Variants in ZFAND3 observed in about 807,000 individuals in gnomAD.
ZFAND3 encodes AN1-type zinc finger protein 3.
Under a neutral mutation model 29.6 loss-of-function variants are expected in ZFAND3, and 10 were observed. That is an observed-to-expected ratio of 0.34 (90% CI 0.21 to 0.57). The LOEUF (loss-of-function observed/expected upper bound fraction) is 0.57, where lower values mean the gene tolerates loss of function less well. Among genes scored for constraint, ZFAND3 ranks in the 20% least tolerant of loss-of-function variants. ZFAND3 has a pLI of 0.86. For missense variants in ZFAND3, 230 were observed against 304.5 expected (o/e 0.76, Z 1.82); for synonymous variants, 128 against 112.6 (o/e 1.14, Z -0.87).
At chr6:38,112,197 A>C (rs1476626913) in intron 4 of ZFAND3, among the ~76,000 whole-genome samples, 1 of 152,198 alleles carries the variant, frequency 6.6e-6, no homozygotes, top group Non-Finnish European at 1.5e-5. Flanking sequence ...GGGTCTGGTG[A>C]GTACCAAGAG....
chr6:37,938,405 A>G (rs1761741884), intron 2 of ZFAND3, among the ~76,000 whole-genome samples: 1 of 152,222 alleles, frequency 6.6e-6, no homozygotes, highest in Non-Finnish European at 1.5e-5. Context: ...CACCTTCATT[A>G]TAATGTGCCC....
intron 1 of ZFAND3, among the ~76,000 whole-genome samples, chr6:37,893,921 T>C (rs1032447623): frequency 6.6e-6 from 1 of 152,068 alleles, no homozygotes; most frequent in Non-Finnish European, 1.5e-5. Flanking sequence ...TCTCCATATG[T>C]TATAAAACCC....
In ZFAND3 at chr6:38,023,488, A is replaced by G. The variant is rs1348093628; in HGVS notation, c.113-38105A>G. The stretch of plus-strand genomic sequence containing the variant: ...GATTTAGCCATTCCACAATGTGTAT[A>G]TATTTTGAAACAACATGTTGTGTAT... On this transcript the variant is annotated intron_variant, in intron 2 of 5. Coordinates refer to ENST00000287218, the MANE Select transcript of ZFAND3 (RefSeq NM_021943.3). Among the ~76,000 whole-genome samples, 7 of 152,304 alleles carry G rather than the reference A, an allele frequency of 4.6e-5. No homozygotes were observed. In the East Asian group the frequency reaches 1.4e-3, roughly 29 times the overall value.
At chr6:37,999,672 C>CA (rs1386215489) in intron 2 of ZFAND3, among the ~76,000 whole-genome samples, 1 of 152,076 alleles carries the variant, frequency 6.6e-6, no homozygotes, top group Non-Finnish European at 1.5e-5. Flanking sequence ...GTACTCTTGA[C>CA]AAATGTCAAG....
chr6:38,127,349 G>T (rs1246201225), intron 5 of ZFAND3, among the ~76,000 whole-genome samples: 1 of 152,224 alleles, frequency 6.6e-6, no homozygotes, highest in East Asian at 1.9e-4. Context: ...CCTGTAACTG[G>T]TCAACAAAGC....
At chr6:38,150,394 C>G (rs1478855272) in intron 5 of ZFAND3, among the ~76,000 whole-genome samples, 2 of 152,164 alleles carry the variant, frequency 1.3e-5, no homozygotes, top group Non-Finnish European at 2.9e-5. Flanking sequence ...CTGGGTCACT[C>G]CAGCCCCCTA....
chr6:37,909,638 T>G (rs1315783902), intron 1 of ZFAND3, among the ~76,000 whole-genome samples: 1 of 146,468 alleles, frequency 6.8e-6, no homozygotes, highest in Non-Finnish European at 1.5e-5. Flanking sequence ...TTTTTTTTTT[T>G]TGATGTTTTG....
In ZFAND3 at chr6:37,946,988, T is replaced by C. The variant is rs150480699; in HGVS notation, c.112+16989T>C. On this transcript the variant is annotated intron_variant, in intron 2 of 5. Transcript: ENST00000287218. Reference sequence around the variant, plus strand: ...TGGAGATGGATGTTAGTGGCAGTAGTTGCACAACAACGTGAATGTACTTAA... The same window carrying C: ...TGGAGATGGATGTTAGTGGCAGTAGCTGCACAACAACGTGAATGTACTTAA... Among the ~76,000 whole-genome samples, 756 of 152,262 alleles carry C rather than the reference T, an allele frequency of 5.0e-3. 9 individuals are homozygous for C. Among genetic ancestry groups the C allele is most frequent in the African/African-American group, 0.017 (698 of 41,546 alleles).
intron 1 of ZFAND3, among the ~76,000 whole-genome samples, chr6:37,834,924 A>T (rs1763939797): frequency 6.6e-6 from 1 of 151,178 alleles, no homozygotes. Flanking sequence ...CCACCAGTAT[A>T]TGAGAGTTCC....
Position 38,154,567 on chromosome 6 carries a change from T to C in ZFAND3, c.*2178T>C. On this transcript the variant is annotated 3_prime_UTR_variant, in exon 6 of 6. Coordinates refer to ENST00000287218, the MANE Select transcript of ZFAND3 (RefSeq NM_021943.3). The stretch of plus-strand genomic sequence containing the variant: ...ACATTGTGAAAATATTAAAAGAATC[T>C]TGTAACTTTATTCTTTTTTCTCCTG... 1.0e-6 allele frequency: 1 copy of C among 974,010 alleles called. No individual in the cohort carries two copies. The highest frequency in any genetic ancestry group is 1.2e-6 in the Non-Finnish European group (1 of 819,150). The allele number at this position is 974,010 out of a possible 1,614,324, so 60.3% of individuals were successfully genotyped here.
At chr6:37,992,823 T>G (rs977723671) in intron 2 of ZFAND3, among the ~76,000 whole-genome samples, 1 of 152,210 alleles carries the variant, frequency 6.6e-6, no homozygotes, top group Non-Finnish European at 1.5e-5. Flanking sequence ...TTGGTTTGTT[T>G]TTTTGTTTTT....
intron 2 of ZFAND3, among the ~76,000 whole-genome samples, chr6:37,942,745 A>G (rs940704946): frequency 6.6e-6 from 1 of 152,230 alleles, no homozygotes; most frequent in Admixed American, 6.5e-5. Context: ...AATAGACCAT[A>G]GGCTAATAGT....
chr6:38,012,862 G>A (rs1356686113), intron 2 of ZFAND3, among the ~76,000 whole-genome samples: 1 of 152,134 alleles, frequency 6.6e-6, no homozygotes, highest in Middle Eastern at 3.2e-3. Flanking sequence ...TCAGGAGGGG[G>A]AATGGCTGAG....
chr6:37,861,880 A>G (rs1764498981), intron 1 of ZFAND3, among the ~76,000 whole-genome samples: 2 of 152,198 alleles, frequency 1.3e-5, no homozygotes, highest in South Asian at 2.1e-4. Context: ...TTATTGAACT[A>G]TTTCAAGTAG....
At chr6:37,854,752 A>C (rs938897530) in intron 1 of ZFAND3, among the ~76,000 whole-genome samples, 2 of 135,154 alleles carry the variant, frequency 1.5e-5, no homozygotes, top group East Asian at 2.2e-4. Context: ...ATGAGACTAC[A>C]TAGGCTAAAA....
intron 2 of ZFAND3, among the ~76,000 whole-genome samples, chr6:37,945,672 G>A (rs1414053013): frequency 6.6e-6 from 1 of 152,156 alleles, no homozygotes; most frequent in Non-Finnish European, 1.5e-5. Context: ...ATGGCACCCG[G>A]CCGACATAGT....
intron 2 of ZFAND3, among the ~76,000 whole-genome samples, chr6:38,018,481 A>G (rs914462390): frequency 3.9e-5 from 6 of 152,206 alleles, no homozygotes; most frequent in Non-Finnish European, 8.8e-5. Flanking sequence ...TTTAAAAGGT[A>G]TAAGGGTATA....
At chr6:38,070,296 C>A (rs1190082758) in intron 3 of ZFAND3, among the ~76,000 whole-genome samples, 2 of 151,950 alleles carry the variant, frequency 1.3e-5, no homozygotes, top group Non-Finnish European at 2.9e-5. Flanking sequence ...TGGTGTCAGG[C>A]CCCTGTAATT....
At chr6:37,897,767 G>T (rs535031147) in intron 1 of ZFAND3, among the ~76,000 whole-genome samples, 1 of 152,178 alleles carries the variant, frequency 6.6e-6, no homozygotes, top group African/African-American at 2.4e-5. Flanking sequence ...TTTATTGACC[G>T]CATAGATGTC....
Sources: gnomAD v4.1 joint callset for allele counts (sites outside exome capture counted in the v4.1 genomes callset) on GRCh38, gnomAD v4.1.1 for gene constraint, MANE v1.5 for transcripts, NCBI Gene and HGNC (gene_info 2026-07-23, HGNC 2026-07-21) for gene names.